FAM13B: variants seen among roughly 807,000 people sequenced by gnomAD.
FAM13B encodes the protein protein FAM13B.
A neutral mutation model predicts 117.3 loss-of-function variants in FAM13B; 60 were observed. The observed-to-expected ratio is 0.51, with a 90% confidence interval of 0.42 to 0.63. The LOEUF (loss-of-function observed/expected upper bound fraction) is 0.63. FAM13B is among the 30% of genes least tolerant of loss of function. FAM13B has a pLI of 0.00. For missense variants in FAM13B, 972 were observed against 1,091.9 expected, an observed-to-expected ratio of 0.89 and a Z score of 1.55; for synonymous variants, 332 against 356.1, an observed-to-expected ratio of 0.93 and a Z score of 0.76.
At chr5:138,042,935 T>G (rs529653273) in intron 1 of FAM13B, among the ~76,000 whole-genome samples, 1 of 151,944 alleles carries the variant, frequency 6.6e-6, no homozygotes, top group African/African-American at 2.4e-5. Flanking sequence ...CTACTAAAAA[T>G]ACAAAAAGTA....
At chr5:138,011,971 T>C (rs758575593) in intron 4 of FAM13B, 26 bp from the exon 5 acceptor site, 50 of 1,513,690 alleles carry the variant, frequency 3.3e-5, no homozygotes, top group Non-Finnish European at 3.9e-5. Flanking sequence ...AACAGGTTTT[T>C]TTCAATAAAG....
Position 138,009,538 on chromosome 5 carries a change from C to T in FAM13B, c.690+1470G>A, listed in dbSNP as rs1176729420. On this transcript the variant is annotated intron_variant, in intron 6 of 23. Transcript: ENST00000689681. Reference sequence around the variant, plus strand: ...TATAAAAGGGGACCAGGTGCAGTGGCTCATGCTTGTAACCCCAGCACTTTG... The same window carrying T: ...TATAAAAGGGGACCAGGTGCAGTGGTTCATGCTTGTAACCCCAGCACTTTG... Among the ~76,000 whole-genome samples the T allele has an allele frequency of 5.9e-5, 9 of 151,670 alleles. No homozygotes were observed. The East Asian group carries it at 1.7e-3, about 29-fold the overall frequency.
chr5:138,028,883 G>A (rs1789147471), intron 1 of FAM13B, among the ~76,000 whole-genome samples: 1 of 152,182 alleles, frequency 6.6e-6, no homozygotes. Context: ...GCCAGGCATG[G>A]TGGCACATGC....
At chr5:137,956,767 A>AGGGC (rs1554117345) in intron 13 of FAM13B, among the ~76,000 whole-genome samples, 1 of 143,718 alleles carries the variant, frequency 7.0e-6, no homozygotes, top group African/African-American at 2.6e-5. Context: ...AGGGGGGGGA[A>AGGGC]AACTCAAAGT....
rs139087036 is a variant in FAM13B at position 137,947,485 on chromosome 5, C to T, written c.2161-1174G>A. Among the ~76,000 whole-genome samples, 33 of 152,280 alleles carry T rather than the reference C, an allele frequency of 2.2e-4. No individual in the cohort carries two copies. In the East Asian group the frequency reaches 2.9e-3, roughly 13 times the overall value. On this transcript the variant is annotated intron_variant, in intron 18 of 23. Coordinates refer to ENST00000689681, the MANE Select transcript of FAM13B (RefSeq NM_001385994.1). ...AGAAAGGGCTTGGTGCTGTGGTTCA[C>T]ACCTATAATCTCAGCAATTAAGGCC... is the stretch of plus-strand genomic sequence containing the variant.
In FAM13B at chr5:138,018,288, T is replaced by C. The variant is rs1365142752; in HGVS notation, c.370+14A>G. 2 of 1,601,670 alleles carry C rather than the reference T, an allele frequency of 1.2e-6. No homozygotes were observed. Among genetic ancestry groups the C allele is most frequent in the Non-Finnish European group, 1.7e-6 (2 of 1,169,106 alleles). On this transcript the variant is annotated intron_variant, in intron 4 of 23. Coordinates refer to ENST00000689681, the MANE Select transcript of FAM13B (RefSeq NM_001385994.1). ...ACAACAAATGACCAATTGATAAGTA[T>C]CAAATTATGTTACCTTGAGAAAGCT...
In FAM13B at chr5:138,019,096, A is replaced by C; in HGVS notation, c.16T>G (p.Ser6Ala). The change falls in exon 3 of 24, where the codon TCC becomes GCC. Residue 6 changes from serine to alanine, a missense_variant. Coordinates refer to ENST00000689681, the MANE Select transcript of FAM13B (RefSeq NM_001385994.1). ...GAGTTGCAGTTACTCAAGGAAGGGG[A>C]GGAGCTCTTCCTCATATCTTTTTTG... is the stretch of plus-strand genomic sequence containing the variant. MRKSS[S>A]PSLSNCNSVL... 6.2e-7 allele frequency: 1 copy of C among 1,613,846 alleles called. No homozygotes were observed. Among genetic ancestry groups the C allele is most frequent in the Non-Finnish European group, 8.5e-7 (1 of 1,179,892 alleles).
intron 10 of FAM13B, among the ~76,000 whole-genome samples, chr5:137,970,316 A>T (rs1266291136): frequency 6.6e-6 from 1 of 152,114 alleles, no homozygotes; most frequent in African/African-American, 2.4e-5. Context: ...CAACATTCTT[A>T]AACAAAAGAA....
chr5:137,987,610 T>G lies in FAM13B; in HGVS notation c.897A>C (p.Leu299Phe), dbSNP rs762251688. 6.2e-7 allele frequency: 1 copy of G among 1,610,008 alleles called. No homozygotes were observed. The highest frequency in any genetic ancestry group is 8.5e-7 in the Non-Finnish European group (1 of 1,178,368). ...ISILPASTDILERTIRAAVEQ... is the reference protein window; with the variant it reads ...ISILPASTDIFERTIRAAVEQ... ...CCACAGCTGCTCTAATTGTTCTTTC[T>G]AAAATACTACAAAACAACACGTTTT... Residue 299 changes from leucine (L) to phenylalanine (F), a missense_variant, in exon 9 of 24, where the codon TTA becomes TTC. Physicochemically the swap from Leu to Phe is conservative, Grantham distance 22 (BLOSUM62 0). Coordinates refer to ENST00000689681, the MANE Select transcript of FAM13B (RefSeq NM_001385994.1).
At position 137,944,769 on chromosome 5, in the gene FAM13B, A is replaced by C. The variant is rs866662595; in HGVS notation, c.2340+1133T>G. ...CGAGACTCCATCTCAAAAACAAAAA[A>C]AAAAAAAAACAAAATCATGTCCTTT... On this transcript the variant is annotated intron_variant, in intron 20 of 23. Transcript: ENST00000689681. Among the ~76,000 whole-genome samples, 215 of 152,158 alleles carry C rather than the reference A, an allele frequency of 1.4e-3. 3 individuals are homozygous for C. The highest frequency in any genetic ancestry group is 0.01 in the Middle Eastern group (3 of 294).
Position 137,985,360 on chromosome 5 carries a change from G to C in FAM13B, c.1076C>G (p.Ala359Gly). Reference sequence around the variant, plus strand: ...TGAACAGTCTCTGTTACTTTCACTGGCATTAATAATATCATCAGCAATATC... The same window carrying C: ...TGAACAGTCTCTGTTACTTTCACTGCCATTAATAATATCATCAGCAATATC... Reference protein sequence around the residue: ...QIDIADDIINASESNRDCSKP... With the variant: ...QIDIADDIINGSESNRDCSKP... The change falls in exon 10 of 24, where the codon GCC becomes GGC. Residue 359 changes from alanine (A) to glycine (G), a missense_variant. Ala to Gly is a moderately conservative substitution (Grantham distance 60). Coordinates refer to ENST00000689681, the MANE Select transcript of FAM13B (RefSeq NM_001385994.1). 1 of 1,613,602 alleles carries C rather than the reference G, an allele frequency of 6.2e-7. No individual in the cohort carries two copies. The highest frequency in any genetic ancestry group is 1.7e-5 in the Admixed American group (1 of 59,984).
upstream of FAM13B, among the ~76,000 whole-genome samples, chr5:138,052,163 T>C (rs1441907606): frequency 1.3e-5 from 2 of 149,320 alleles, no homozygotes; most frequent in Non-Finnish European, 3.0e-5. Flanking sequence ...TCCAGGCACC[T>C]CCCAACACCC....
chr5:138,011,868 A>G lies in FAM13B; in HGVS notation c.448T>C (p.Leu150=). Residue 150 remains leucine, a synonymous_variant, in exon 5 of 24, where the codon TTA becomes CTA. Coordinates refer to ENST00000689681, the MANE Select transcript of FAM13B (RefSeq NM_001385994.1). ...QQLPPVNYSL[L]KFLCRFLANV... ...GCTAAAAATCTACACAGAAACTTTA[A>G]CAAACTATAATTAACAGGTGGAAGC... The G allele has an allele frequency of 1.2e-6, 2 of 1,603,744 alleles. No individual in the cohort carries two copies. The highest frequency in any genetic ancestry group is 1.7e-6 in the Non-Finnish European group (2 of 1,177,192).
upstream of FAM13B, among the ~76,000 whole-genome samples, chr5:138,037,833 C>T (rs1791302210): frequency 6.6e-6 from 1 of 152,094 alleles, no homozygotes; most frequent in Non-Finnish European, 1.5e-5. Flanking sequence ...ATATTCTATC[C>T]CCACCAATTC....
chr5:137,944,336 AAAC>A (rs1476785439), intron 20 of FAM13B, among the ~76,000 whole-genome samples: 1 of 152,212 alleles, frequency 6.6e-6, no homozygotes, highest in Non-Finnish European at 1.5e-5. Context: ...ATTCTACCAA[AAAC>A]AACACATGCA....
chr5:137,957,894 T>C (rs1174478576), intron 13 of FAM13B, among the ~76,000 whole-genome samples: 1 of 152,212 alleles, frequency 6.6e-6, no homozygotes, highest in Non-Finnish European at 1.5e-5. Flanking sequence ...CAGTCCAGTA[T>C]CAGGTTCTCT....
At chr5:137,986,931 A>G (rs185577952) in intron 9 of FAM13B, among the ~76,000 whole-genome samples, 1 of 152,298 alleles carries the variant, frequency 6.6e-6, no homozygotes, top group East Asian at 1.9e-4. Context: ...GGAGCACTTC[A>G]GATTTTGGAT....
chr5:138,023,548 T>C (rs1030330661), intron 1 of FAM13B, among the ~76,000 whole-genome samples: 1 of 152,164 alleles, frequency 6.6e-6, no homozygotes, highest in East Asian at 1.9e-4. Flanking sequence ...ATTTATAGTA[T>C]GATAGAATGT....
At chr5:138,013,469 C>T (rs888169899) in intron 4 of FAM13B, among the ~76,000 whole-genome samples, 2 of 149,808 alleles carry the variant, frequency 1.3e-5, no homozygotes, top group East Asian at 3.9e-4. Context: ...CCACTGCACT[C>T]CAGCCTGGGG....
Sources: allele counts gnomAD v4.1 joint callset (sites outside exome capture counted in the v4.1 genomes callset), GRCh38; gene constraint gnomAD v4.1.1; transcripts MANE v1.5; gene names NCBI Gene and HGNC (gene_info 2026-07-23, HGNC 2026-07-21).